The following CCDC33 variants were observed in gnomAD, a reference collection of about 807,000 sequenced individuals.
CCDC33 encodes coiled-coil domain-containing protein 33.
CCDC33 carries 94 observed loss-of-function variants against 91.9 expected under a neutral mutation model. That is an observed-to-expected ratio of 1.02 (90% CI 0.87 to 1.21). The LOEUF (loss-of-function observed/expected upper bound fraction) is 1.21, where lower values mean the gene tolerates loss of function less well. Ranked by LOEUF, CCDC33 falls within the 50% of genes most tolerant of loss-of-function variation. The probability of loss-of-function intolerance (pLI) is 0.00; values close to 1 mark genes in which losing one functional copy is unlikely to be tolerated. For synonymous variants in CCDC33, 396 were observed against 374.5 expected, an observed-to-expected ratio of 1.06 and a Z score of -0.66; for missense variants, 940 against 935.5, an observed-to-expected ratio of 1.00 and a Z score of -0.06.
intron 17 of CCDC33, 44 bp downstream of exon 17, chr15:74,334,011 A>G: frequency 6.6e-7 from 1 of 1,524,790 alleles, no homozygotes; most frequent in Non-Finnish European, 9.1e-7. Context: ...CAGGCTCACC[A>G]CACAGCCTAT....
At chr15:74,314,065 T>TTATG (rs2060044406) in intron 11 of CCDC33, among the ~76,000 whole-genome samples, 1 of 152,326 alleles carries the variant, frequency 6.6e-6, no homozygotes, top group African/African-American at 2.4e-5. Flanking sequence ...TGTCTCCTCC[T>TTATG]TATGCCTGTA....
chr15:74,277,535 G>A (rs975757860), intron 7 of CCDC33, among the ~76,000 whole-genome samples: 2 of 152,176 alleles, frequency 1.3e-5, no homozygotes, highest in African/African-American at 4.8e-5. Flanking sequence ...TTCCACTACC[G>A]CTGTGGCCCT....
rs1421983374 is a variant in CCDC33, at chr15:74,218,651, G to A, written c.465G>A (p.Gln155=). The A allele has an allele frequency of 2.3e-6, 3 of 1,289,864 alleles. No individual in the cohort carries two copies. Among genetic ancestry groups the A allele is most frequent in the East Asian group, 5.5e-5 (1 of 18,020 alleles). The allele number at this position is 1,289,864 out of a possible 1,614,324, so 79.9% of individuals were successfully genotyped here. The change falls in exon 2 of 3, where the codon CAG becomes CAA. Residue 155 remains glutamine (Q), a synonymous_variant. Transcript: ENST00000635913. This position sits in a 1 kb window ranked among gnomAD's most constrained non-coding sequence, Gnocchi z 4.8. ...AACCCCGCATGAACCCAAAGGCTCA[G>A]GATCACGAGGACCTGTACCGCTACT...
rs145199070 is a variant in CCDC33 at position 74,331,156 on chromosome 15, A to G, written c.1677+44A>G. 8,656 of 1,613,870 alleles carry G rather than the reference A, an allele frequency of 5.4e-3. 83 individuals carry two copies. The highest frequency in any genetic ancestry group is 0.031 in the South Asian group (2,852 of 91,058). On this transcript the variant is annotated intron_variant, in intron 14 of 18. Transcript: ENST00000398814. ...GCCCCCGAGGCCAACTGATGATGGC[A>G]GAGTAGGGAGCCCCTGGGCCAGCCC...
At position 74,333,883 on chromosome 15, in the gene CCDC33, T is replaced by A; in HGVS notation, c.1941T>A (p.Asp647Glu). ...PIILQQQALP[D>E]LLSGTSDKFN... ...GTGAGTTTGTGCTTTGCCCACAGGA[T>A]CTCCTCTCTGGTACTTCAGACAAGT... Residue 647 changes from aspartate (D) to glutamate (E), a missense_variant and splice_region_variant, in exon 17 of 19, where the codon GAT becomes GAA. Transcript: ENST00000398814. The A allele has an allele frequency of 6.2e-7, 1 of 1,612,964 alleles. No homozygotes were observed. The highest frequency in any genetic ancestry group is 8.5e-7 in the Non-Finnish European group (1 of 1,179,222).
chr15:74,247,371 TACACAC>T (rs57645886), intron 2 of CCDC33, among the ~76,000 whole-genome samples: 19,774 of 148,622 alleles, frequency 0.13, 1,719 homozygotes, highest in Non-Finnish European at 0.2. Context: ...TATATATATA[TACACAC>T]ACACACACAC....
chr15:74,244,302 C>T lies in CCDC33; in HGVS notation c.185+154C>T, dbSNP rs145863938. 2.2e-3 allele frequency among the ~76,000 whole-genome samples: 337 copies of T among 152,306 alleles called. 1 individual carries two copies. The highest frequency in any genetic ancestry group is 7.8e-3 in the African/African-American group (324 of 41,566). On this transcript the variant is annotated intron_variant, in intron 2 of 18. Transcript: ENST00000398814. This position sits in a 1 kb window ranked among gnomAD's most constrained non-coding sequence, Gnocchi z 4.2. ...TGCTGTGGGCACTACCTGGCATCTCCGCTGCTGCATGGGAAGCTGCTCACC... is the reference window on the plus strand; with the variant it reads ...TGCTGTGGGCACTACCTGGCATCTCTGCTGCTGCATGGGAAGCTGCTCACC...
At chr15:74,327,012 C>T (rs1055834196) in intron 11 of CCDC33, among the ~76,000 whole-genome samples, 6 of 152,116 alleles carry the variant, frequency 3.9e-5, no homozygotes, top group African/African-American at 1.4e-4. Flanking sequence ...CACTGCTGTG[C>T]GGGTGGGGGA....
intron 2 of CCDC33, among the ~76,000 whole-genome samples, chr15:74,251,515 C>T (rs114197562): frequency 0.016 from 2,445 of 152,344 alleles, 60 homozygotes; most frequent in African/African-American, 0.055. Context: ...CCAGCATTGG[C>T]AGCTGCTTCT....
chr15:74,237,767 C>T (rs556050339), intron 1 of CCDC33, among the ~76,000 whole-genome samples: 5 of 152,302 alleles, frequency 3.3e-5, no homozygotes, highest in East Asian at 3.9e-4. Context: ...GGGGAGTGTG[C>T]GTGGGAGTCC....
At chr15:74,336,160 G>A, downstream of CCDC33, 4 of 1,501,408 alleles carry the variant, frequency 2.7e-6, no homozygotes, top group Non-Finnish European at 2.7e-6. Context: ...CTCTTTCCTG[G>A]AGCAGGGCAG....
intron 11 of CCDC33, among the ~76,000 whole-genome samples, chr15:74,328,501 C>G (rs1422391106): frequency 2.6e-5 from 4 of 152,188 alleles, no homozygotes; most frequent in Non-Finnish European, 5.9e-5. Context: ...ACTGCAAAGC[C>G]CTGTGTGTGT....
chr15:74,239,762 G>C (rs117519000), intron 1 of CCDC33, among the ~76,000 whole-genome samples: 27 of 152,334 alleles, frequency 1.8e-4, no homozygotes, highest in Non-Finnish European at 3.7e-4. Flanking sequence ...CAGCCAAGAG[G>C]AGGCATGAAT....
At chr15:74,217,196 C>T (rs1200048505), upstream of CCDC33, 4 of 1,116,916 alleles carry the variant, frequency 3.6e-6, no homozygotes, top group Non-Finnish European at 4.6e-6. Context: ...AGCCTGCAGG[C>T]TTTCAGACTG....
rs1300655077 is a variant in CCDC33, at chr15:74,207,352, A to C, written n.90-2036A>C. ...AACATTTCTGAGTTTCAGTAATGCC[A>C]TAAGAAGCCCTGCAACCTCAGTATT... is the stretch of plus-strand genomic sequence containing the variant. On this transcript the variant is annotated intron_variant and non_coding_transcript_variant, in intron 1 of 3. Transcript: ENST00000558645. Among the ~76,000 whole-genome samples the C allele has an allele frequency of 2.0e-5, 3 of 152,148 alleles. No homozygotes were observed. The East Asian group carries it at 5.8e-4, about 29-fold the overall frequency.
chr15:74,254,562 A>G (rs913325239), intron 2 of CCDC33, among the ~76,000 whole-genome samples: 2 of 152,088 alleles, frequency 1.3e-5, no homozygotes, highest in African/African-American at 4.8e-5. Context: ...CCACACATGT[A>G]TAAGTAGGCA....
chr15:74,327,102 G>A (rs1222211299), intron 11 of CCDC33, among the ~76,000 whole-genome samples: 3 of 152,098 alleles, frequency 2.0e-5, no homozygotes, highest in Non-Finnish European at 4.4e-5. Context: ...GGTAAGCCAG[G>A]GCCGAGATCC....
intron 10 of CCDC33, among the ~76,000 whole-genome samples, chr15:74,284,030 G>C (rs1472257436): frequency 6.6e-6 from 1 of 152,128 alleles, no homozygotes; most frequent in African/African-American, 2.4e-5. Context: ...ACTATTTCTT[G>C]GTAAACTATC....
At chr15:74,222,731 G>A (rs1003982966) in intron 2 of CCDC33, among the ~76,000 whole-genome samples, 1 of 151,616 alleles carries the variant, frequency 6.6e-6, no homozygotes, top group South Asian at 2.1e-4. Context: ...GAGCGGCCAC[G>A]GAGCTGTTGT....
Sources: allele counts gnomAD v4.1 joint callset (sites outside exome capture counted in the v4.1 genomes callset), GRCh38; gene constraint gnomAD v4.1.1; non-coding constraint Gnocchi (gnomAD v3.1); transcripts MANE v1.5; gene names NCBI Gene and HGNC (gene_info 2026-07-23, HGNC 2026-07-21).